Variants in XPR1 observed in about 807,000 individuals in gnomAD.
XPR1 encodes xenotropic and polytropic retrovirus receptor 1.
A neutral mutation model predicts 87.5 loss-of-function variants in XPR1; 28 were observed. That is an observed-to-expected ratio of 0.32 (90% CI 0.24 to 0.44). The LOEUF (loss-of-function observed/expected upper bound fraction) is 0.44. Among genes scored for constraint, XPR1 ranks in the 20% least tolerant of loss-of-function variants. The probability of loss-of-function intolerance (pLI) is 1.00; values close to 1 mark genes in which losing one functional copy is unlikely to be tolerated. For synonymous variants in XPR1, 300 were observed against 306.1 expected (o/e 0.98, Z 0.21); for missense variants, 559 against 862.3 (o/e 0.65, Z 4.41).
At chr1:180,680,094 C>T (rs568277015) in intron 1 of XPR1, among the ~76,000 whole-genome samples, 5 of 152,058 alleles carry the variant, frequency 3.3e-5, no homozygotes, top group South Asian at 4.2e-4. Context: ...TCTCAAAAGA[C>T]GTACAAGTGG....
chr1:180,777,839 C>G (rs1648782825), intron 2 of XPR1, among the ~76,000 whole-genome samples: 1 of 152,100 alleles, frequency 6.6e-6, no homozygotes, highest in South Asian at 2.1e-4. Context: ...TTTATCTGCT[C>G]TCATAAGCAG....
At position 180,889,668 on chromosome 1, in the gene XPR1, T is replaced by A. The variant is rs1653125113; in HGVS notation, c.*5602T>A. The A allele has an allele frequency of 6.6e-6, 1 of 152,250 alleles. No homozygotes were observed. Among genetic ancestry groups the A allele is most frequent in the African/African-American group, 2.4e-5 (1 of 41,474 alleles). 9.4% of individuals were successfully genotyped at this position (152,250 alleles called of 1,614,324 possible). A position where few individuals can be genotyped will look rare whatever the true frequency, so the allele number is the denominator to read the frequency against. ...AAAAGAACAGAACTCTTAATCACGTTGTGAAGATTAATTTCTTGCCATTTT... is the reference window on the plus strand; with the variant it reads ...AAAAGAACAGAACTCTTAATCACGTAGTGAAGATTAATTTCTTGCCATTTT... On this transcript the variant is annotated 3_prime_UTR_variant, in exon 15 of 15. Coordinates refer to ENST00000367590, the MANE Select transcript of XPR1 (RefSeq NM_004736.4).
At chr1:180,733,410 A>G (rs1658622937) in intron 2 of XPR1, among the ~76,000 whole-genome samples, 1 of 152,094 alleles carries the variant, frequency 6.6e-6, no homozygotes, top group African/African-American at 2.4e-5. Context: ...TTGACTATAC[A>G]TTTGCAGAGT....
chr1:180,844,945 G>A (rs1651629317), intron 11 of XPR1, among the ~76,000 whole-genome samples: 1 of 152,208 alleles, frequency 6.6e-6, no homozygotes, highest in Admixed American at 6.5e-5. Flanking sequence ...GGGCAAGAAA[G>A]TATACTTCTG....
intron 2 of XPR1, among the ~76,000 whole-genome samples, chr1:180,755,426 C>A (rs183164155): frequency 6.6e-6 from 1 of 152,274 alleles, no homozygotes; most frequent in Admixed American, 6.5e-5. Context: ...TGTAGCTGAA[C>A]CGAGCTGTGT....
At chr1:180,834,031 T>C (rs1571880206) in intron 9 of XPR1, among the ~76,000 whole-genome samples, 1 of 152,134 alleles carries the variant, frequency 6.6e-6, no homozygotes. Flanking sequence ...GGAACGTTCA[T>C]AGAATTAAAG....
chr1:180,771,760 GTGA>G (rs1558000394), intron 2 of XPR1, among the ~76,000 whole-genome samples: 2 of 152,210 alleles, frequency 1.3e-5, no homozygotes, highest in African/African-American at 4.8e-5. Context: ...TACCAGAGAA[GTGA>G]TGTTGTGTCC....
chr1:180,795,100 A>G (rs1649520376), intron 3 of XPR1, among the ~76,000 whole-genome samples: 1 of 152,250 alleles, frequency 6.6e-6, no homozygotes, highest in African/African-American at 2.4e-5. Flanking sequence ...AAATTGAATT[A>G]GCAAGATGGT....
intron 11 of XPR1, among the ~76,000 whole-genome samples, chr1:180,856,755 C>T (rs17301936): frequency 0.053 from 8,140 of 152,246 alleles, 317 homozygotes; most frequent in Non-Finnish European, 0.079. Flanking sequence ...CTCTCTGTTC[C>T]TTAAACTTAT....
intron 2 of XPR1, among the ~76,000 whole-genome samples, chr1:180,745,501 C>A (rs1463911527): frequency 6.6e-6 from 1 of 152,204 alleles, no homozygotes; most frequent in African/African-American, 2.4e-5. Flanking sequence ...GTTTTAGGCT[C>A]TTCCAGGCCC....
intron 1 of XPR1, among the ~76,000 whole-genome samples, chr1:180,651,297 G>A (rs1462604245): frequency 2.0e-5 from 3 of 151,972 alleles, no homozygotes; most frequent in Non-Finnish European, 4.4e-5. Context: ...TCACCATGTT[G>A]GCCAGGCTGG....
intron 2 of XPR1, among the ~76,000 whole-genome samples, chr1:180,697,147 A>T (rs996053556): frequency 1.3e-5 from 2 of 152,066 alleles, no homozygotes; most frequent in Non-Finnish European, 2.9e-5. Flanking sequence ...TTACTGATTC[A>T]GTCTTACTAC....
At chr1:180,715,901 G>A (rs1254364634) in intron 2 of XPR1, among the ~76,000 whole-genome samples, 2 of 152,054 alleles carry the variant, frequency 1.3e-5, no homozygotes, top group Non-Finnish European at 2.9e-5. Flanking sequence ...TCCAACTTCC[G>A]ACCTCAGATG....
intron 3 of XPR1, among the ~76,000 whole-genome samples, chr1:180,795,749 A>G (rs1171919468): frequency 1.3e-5 from 2 of 152,188 alleles, no homozygotes; most frequent in Non-Finnish European, 2.9e-5. Context: ...CACATTTGCA[A>G]TAGAAATGTT....
At chr1:180,641,717 G>A (rs946453952) in intron 1 of XPR1, among the ~76,000 whole-genome samples, 6 of 152,062 alleles carry the variant, frequency 3.9e-5, no homozygotes, top group Non-Finnish European at 7.4e-5. Context: ...ATCTTTTTTA[G>A]AGTTGAAAGA....
At chr1:180,691,586 C>A (rs1490030537) in intron 2 of XPR1, among the ~76,000 whole-genome samples, 1 of 152,084 alleles carries the variant, frequency 6.6e-6, no homozygotes, top group African/African-American at 2.4e-5. Flanking sequence ...TGTTTTTCTG[C>A]CATTTCTTCT....
intron 2 of XPR1, among the ~76,000 whole-genome samples, chr1:180,733,670 G>C (rs749310769): frequency 6.6e-6 from 1 of 152,210 alleles, no homozygotes; most frequent in African/African-American, 2.4e-5. Flanking sequence ...GGTAGAGGTG[G>C]TAGAGATGTA....
intron 11 of XPR1, among the ~76,000 whole-genome samples, chr1:180,838,209 T>A (rs1208718146): frequency 6.6e-6 from 1 of 152,202 alleles, no homozygotes; most frequent in Admixed American, 6.5e-5. Flanking sequence ...AAAATCTTAT[T>A]AAGAACATCA....
At chr1:180,717,616 T>C (rs1658043794) in intron 2 of XPR1, among the ~76,000 whole-genome samples, 1 of 152,172 alleles carries the variant, frequency 6.6e-6, no homozygotes, top group African/African-American at 2.4e-5. Flanking sequence ...TTGGGAAATA[T>C]TATTTTCAAA....
Sources: allele counts gnomAD v4.1 joint callset (sites outside exome capture counted in the v4.1 genomes callset), GRCh38; gene constraint gnomAD v4.1.1; transcripts MANE v1.5; gene names NCBI Gene and HGNC (gene_info 2026-07-23, HGNC 2026-07-21).